OGDH: variants seen among roughly 807,000 people sequenced by gnomAD.
OGDH encodes oxoglutarate dehydrogenase, also known as 2-oxoglutarate dehydrogenase complex component E1.
Under a neutral mutation model 116.6 loss-of-function variants are expected in OGDH, and 38 were observed. That is an observed-to-expected ratio of 0.33 (90% confidence interval 0.25 to 0.43). The LOEUF is 0.43. Ranked by LOEUF, OGDH falls within the 20% of genes least tolerant of loss-of-function variation. The probability of loss-of-function intolerance (pLI) is 1.00; values close to 1 mark genes in which losing one functional copy is unlikely to be tolerated. For missense variants in OGDH, 825 were observed against 1,357.2 expected (o/e 0.61, Z 6.16); for synonymous variants, 488 against 533.3 (o/e 0.92, Z 1.17).
At chr7:44,627,143 TG>T (rs1311410705) in intron 2 of OGDH, among the ~76,000 whole-genome samples, 1 of 152,120 alleles carries the variant, frequency 6.6e-6, no homozygotes, top group Non-Finnish European at 1.5e-5. Flanking sequence ...ATTACAGGCC[TG>T]TGCCACCACG....
At chr7:44,620,241 G>A (rs528967415) in intron 1 of OGDH, among the ~76,000 whole-genome samples, 12 of 152,200 alleles carry the variant, frequency 7.9e-5, no homozygotes, top group African/African-American at 1.2e-4. Context: ...GGCTGGTCTC[G>A]AACCCCTGAC....
In OGDH at chr7:44,629,575, C is replaced by CTTTTT. The variant is rs1037295168; in HGVS notation, c.222+5014_222+5015insTTTTT. Among the ~76,000 whole-genome samples, 168 of 134,374 alleles carry CTTTTT rather than the reference C, an allele frequency of 1.3e-3. 3 individuals are homozygous for CTTTTT. Among genetic ancestry groups the CTTTTT allele is most frequent in the East Asian group, 1.8e-3 (8 of 4,380 alleles). 88.2% of individuals were successfully genotyped at this position (134,374 alleles called of 152,430 possible). A position where few individuals can be genotyped will look rare whatever the true frequency, so the allele number is the denominator to read the frequency against. On this transcript the variant is annotated intron_variant, in intron 2 of 22. Coordinates refer to ENST00000222673, the MANE Select transcript of OGDH (RefSeq NM_002541.4). ...TTTCTTTTCTTTCCTTTTTCTTTTT[C>CTTTTT]TTTTCTTTTTTTTTTTTTTTTTTGA...
chr7:44,638,800 T>C (rs1220684994), intron 2 of OGDH, among the ~76,000 whole-genome samples: 2 of 152,182 alleles, frequency 1.3e-5, no homozygotes, highest in African/African-American at 4.8e-5. Flanking sequence ...TCATGCTCCA[T>C]GGGAATTAGA....
intron 9 of OGDH, among the ~76,000 whole-genome samples, chr7:44,681,173 C>G (rs1309064047): frequency 6.6e-6 from 1 of 152,216 alleles, no homozygotes; most frequent in Non-Finnish European, 1.5e-5. Context: ...AATACTACCA[C>G]TATACTCATT....
intron 18 of OGDH, 98 bp from the exon 19 acceptor site, chr7:44,700,043 G>T: frequency 7.7e-7 from 1 of 1,306,394 alleles, no homozygotes; most frequent in South Asian, 1.4e-5. Context: ...GATTTGGGCA[G>T]GGACAAATAT....
chr7:44,619,571 TC>T (rs1240511470), intron 1 of OGDH, among the ~76,000 whole-genome samples: 4 of 152,334 alleles, frequency 2.6e-5, no homozygotes, highest in African/African-American at 7.2e-5. Context: ...CACCAGCACT[TC>T]CTTAGTTTCA....
intron 9 of OGDH, chr7:44,676,426 G>C (rs188608277): frequency 1.8e-6 from 1 of 545,050 alleles, no homozygotes; most frequent in East Asian, 4.1e-5. Flanking sequence ...GTGGTGGCGC[G>C]CGCCTGTAAT....
chr7:44,664,552 T>C (rs534765476), intron 4 of OGDH, among the ~76,000 whole-genome samples: 3 of 152,310 alleles, frequency 2.0e-5, no homozygotes, highest in Admixed American at 2.0e-4. Flanking sequence ...TTGGGGTTGC[T>C]GGTTCTTCTG....
chr7:44,654,386 G>A (rs1039999659), intron 4 of OGDH, among the ~76,000 whole-genome samples: 1 of 152,152 alleles, frequency 6.6e-6, no homozygotes, highest in African/African-American at 2.4e-5. Flanking sequence ...CTGACAACCT[G>A]CTGTCATTAA....
intron 4 of OGDH, among the ~76,000 whole-genome samples, chr7:44,655,510 G>A (rs1045272962): frequency 1.3e-5 from 2 of 152,164 alleles, no homozygotes; most frequent in African/African-American, 4.8e-5. Flanking sequence ...CCAGTACAGG[G>A]AGCATACCCA....
Position 44,697,161 on chromosome 7 carries a change from AAG to A in OGDH, c.2051+100_2051+101del, listed in dbSNP as rs748184956. On this transcript the variant is annotated intron_variant, in intron 15 of 22. Coordinates refer to ENST00000222673, the MANE Select transcript of OGDH (RefSeq NM_002541.4). This position sits in a 1 kb window ranked among gnomAD's most constrained non-coding sequence, Gnocchi z 6.0. ...TTTCCGGAAGACGGTTAGAAACCGG[AAG>A]AGTCACATTGCTCTCAGGCTGAAAA... is the stretch of plus-strand genomic sequence containing the variant. 2.6e-4 allele frequency: 402 copies of A among 1,525,476 alleles called. No homozygotes were observed. Among genetic ancestry groups the A allele is most frequent in the Non-Finnish European group, 3.5e-4 (391 of 1,122,032 alleles). The allele number at this position is 1,525,476 out of a possible 1,614,324, so 94.5% of individuals were successfully genotyped here.
chr7:44,697,904 G>A lies in OGDH; in HGVS notation c.2358+122G>A. ...CCAGCCTCCTAAGGACTCTGCTGGT[G>A]CTTCCCATCCATCTCAGATGGGATG... On this transcript the variant is annotated intron_variant, in intron 17 of 22. Coordinates refer to ENST00000222673, the MANE Select transcript of OGDH (RefSeq NM_002541.4). The surrounding 1 kb of genome is among the most constrained non-coding windows in gnomAD (Gnocchi z 6.0). 1 of 1,202,260 alleles carries A rather than the reference G, an allele frequency of 8.3e-7. No homozygotes were observed. Among genetic ancestry groups the A allele is most frequent in the Non-Finnish European group, 1.1e-6 (1 of 877,572 alleles). The allele number at this position is 1,202,260 out of a possible 1,614,324, so 74.5% of individuals were successfully genotyped here.
intron 20 of OGDH, among the ~76,000 whole-genome samples, chr7:44,702,170 G>A (rs529517491): frequency 6.6e-6 from 1 of 152,184 alleles, no homozygotes; most frequent in South Asian, 2.1e-4. Context: ...CCCAGGAGCT[G>A]TTGCCTCTCA....
chr7:44,608,739 A>G (rs1025547615), intron 1 of OGDH, among the ~76,000 whole-genome samples: 3 of 152,168 alleles, frequency 2.0e-5, no homozygotes, highest in African/African-American at 7.2e-5. Flanking sequence ...AAGGAAAGAA[A>G]AAACTACAGT....
intron 10 of OGDH, among the ~76,000 whole-genome samples, chr7:44,682,385 C>CAA (rs888406332): frequency 1.5e-5 from 2 of 131,832 alleles, no homozygotes; most frequent in African/African-American, 5.6e-5. Context: ...AACTCCATTT[C>CAA]AAAAAAAAAA....
At chr7:44,630,474 G>A (rs932562334) in intron 2 of OGDH, among the ~76,000 whole-genome samples, 1 of 152,182 alleles carries the variant, frequency 6.6e-6, no homozygotes, top group Non-Finnish European at 1.5e-5. Context: ...GGCACTTTAG[G>A]CAATGCCAGT....
At chr7:44,663,058 T>C (rs1170117125) in intron 4 of OGDH, among the ~76,000 whole-genome samples, 7 of 152,178 alleles carry the variant, frequency 4.6e-5, no homozygotes, top group Non-Finnish European at 1.0e-4. Context: ...TTTATCCATT[T>C]ATATGTATGT....
At chr7:44,700,419 C>A in intron 19 of OGDH, 150 bp downstream of exon 19, 1 of 991,634 alleles carries the variant, frequency 1.0e-6, no homozygotes, top group Non-Finnish European at 1.5e-6. Context: ...GGGAGCCTCG[C>A]CCTTCCTCCT....
Position 44,666,959 on chromosome 7 carries a change from A to T in OGDH, c.633+108A>T, listed in dbSNP as rs1787211765. 5 of 680,412 alleles carry T rather than the reference A, an allele frequency of 7.3e-6. No individual in the cohort carries two copies. In the East Asian group the frequency reaches 1.5e-4, roughly 21 times the overall value. The allele number at this position is 680,412 out of a possible 1,614,324, so 42.1% of individuals were successfully genotyped here. A position where few individuals can be genotyped will look rare whatever the true frequency, so the allele number is the denominator to read the frequency against. On this transcript the variant is annotated intron_variant, in intron 5 of 22. Transcript: ENST00000222673. ...TTTCTTTGTCCTATCTTTCTATTTT[A>T]TTTTTTCTCTGAGACAGAGTTACTG...
Sources: allele counts gnomAD v4.1 joint callset (sites outside exome capture counted in the v4.1 genomes callset), GRCh38; gene constraint gnomAD v4.1.1; non-coding constraint Gnocchi (gnomAD v3.1); transcripts MANE v1.5; gene names NCBI Gene and HGNC (gene_info 2026-07-23, HGNC 2026-07-21).